Variants in AFP observed in about 807,000 individuals in gnomAD.
AFP encodes the protein alpha-fetoprotein.
A neutral mutation model predicts 78.9 loss-of-function variants in AFP; 64 were observed. The ratio of observed to expected loss-of-function variants is 0.81; its 90% CI spans 0.66 to 1.00. The LOEUF is 1.00. Ranked by LOEUF, AFP falls within the 50% of genes least tolerant of loss-of-function variation. AFP has a pLI of 0.00. For synonymous variants in AFP, 254 were observed against 243.8 expected (o/e 1.04, Z -0.39); for missense variants, 689 against 703.8 (o/e 0.98, Z 0.24).
At chr4:73,441,437 G>A (rs1719660909) in intron 4 of AFP, among the ~76,000 whole-genome samples, 1 of 151,506 alleles carries the variant, frequency 6.6e-6, no homozygotes, top group East Asian at 1.9e-4. Flanking sequence ...GCGTGATGGT[G>A]GGCGCCTGTA....
intron 2 of AFP, among the ~76,000 whole-genome samples, chr4:73,437,728 G>T (rs1445183815): frequency 6.6e-6 from 1 of 152,018 alleles, no homozygotes; most frequent in African/African-American, 2.4e-5. Flanking sequence ...CCTGCATAAG[G>T]ATTGCTTTGA....
At chr4:73,449,257 A>C in intron 8 of AFP, 78 bp from the exon 9 acceptor site, 1 of 1,303,120 alleles carries the variant, frequency 7.7e-7, no homozygotes, top group Non-Finnish European at 1.1e-6. Context: ...CATATTATAT[A>C]GGAATAACTG....
At chr4:73,438,906 G>A (rs1473407400) in intron 3 of AFP, among the ~76,000 whole-genome samples, 3 of 152,096 alleles carry the variant, frequency 2.0e-5, no homozygotes, top group African/African-American at 2.4e-5. Flanking sequence ...AACTGAGGAA[G>A]CTGAGGCTCA....
At chr4:73,445,180 C>A in intron 7 of AFP, 58 bp downstream of exon 7, 1 of 1,599,012 alleles carries the variant, frequency 6.3e-7, no homozygotes, top group Non-Finnish European at 8.6e-7. Flanking sequence ...TTCTTTTTGT[C>A]TCATTCTAAA....
chr4:73,445,369 G>T (rs536408543), intron 7 of AFP, among the ~76,000 whole-genome samples: 1 of 152,096 alleles, frequency 6.6e-6, no homozygotes, highest in Non-Finnish European at 1.5e-5. Context: ...TAAAAAAACC[G>T]TGGGAACTTC....
At chr4:73,452,679 T>G in intron 12 of AFP, 55 bp downstream of exon 12, 1 of 1,392,762 alleles carries the variant, frequency 7.2e-7, no homozygotes, top group Non-Finnish European at 1.0e-6. Context: ...AAAGAGTAAC[T>G]GAGACTTCTA....
At chr4:73,455,137 T>G in intron 13 of AFP, 99 bp from the exon 14 acceptor site, 1 of 987,214 alleles carries the variant, frequency 1.0e-6, no homozygotes, top group Non-Finnish European at 1.6e-6. Context: ...TTAGTTAATC[T>G]ACAAACCTAT....
intron 4 of AFP, among the ~76,000 whole-genome samples, chr4:73,441,365 G>C (rs1277278639): frequency 6.6e-6 from 1 of 151,704 alleles, no homozygotes; most frequent in Non-Finnish European, 1.5e-5. Context: ...AGGAGATCGA[G>C]ACCATCCTGG....
intron 6 of AFP, among the ~76,000 whole-genome samples, 176 bp downstream of exon 6, chr4:73,443,620 G>T (rs1241744487): frequency 6.6e-6 from 1 of 152,108 alleles, no homozygotes; most frequent in Non-Finnish European, 1.5e-5. Flanking sequence ...GGAAGCTAAC[G>T]GATAAGTCAG....
At position 73,437,875 on chromosome 4, in the gene AFP, A is replaced by G. The variant is rs551897588; in HGVS notation, c.138-299A>G. Among the ~76,000 whole-genome samples, 13 of 152,110 alleles carry G rather than the reference A, an allele frequency of 8.5e-5. No individual in the cohort carries two copies. The East Asian group carries it at 1.5e-3, about 18-fold the overall frequency. ...ACCATAAAGAATATAGATACCCTCAATTATGGGTACATTACAGTAGATGGA... is the reference window on the plus strand; with the variant it reads ...ACCATAAAGAATATAGATACCCTCAGTTATGGGTACATTACAGTAGATGGA... On this transcript the variant is annotated intron_variant, in intron 2 of 14. Coordinates refer to ENST00000395792, the MANE Select transcript of AFP (RefSeq NM_001134.3).
intron 5 of AFP, among the ~76,000 whole-genome samples, 181 bp downstream of exon 5, chr4:73,442,609 A>G (rs1049768058): frequency 1.3e-5 from 2 of 152,190 alleles, no homozygotes; most frequent in East Asian, 1.9e-4. Flanking sequence ...TTTATTATCT[A>G]TTCATTAAGT....
chr4:73,441,332 C>A (rs930244787), intron 4 of AFP, among the ~76,000 whole-genome samples: 4 of 151,658 alleles, frequency 2.6e-5, no homozygotes, highest in African/African-American at 9.7e-5. Context: ...TTTGGGAGGC[C>A]GAGGCGGGCG....
chr4:73,455,368 G>A (rs1162432464), intron 14 of AFP, 78 bp downstream of exon 14: 5 of 1,179,456 alleles, frequency 4.2e-6, no homozygotes, highest in African/African-American at 1.5e-5. Context: ...TAGATCATGA[G>A]GAGTGCCATT....
chr4:73,438,569 T>A (rs2149332924), intron 3 of AFP, among the ~76,000 whole-genome samples: 1 of 152,238 alleles, frequency 6.6e-6, no homozygotes, highest in East Asian at 1.9e-4. Context: ...ATATTAACTT[T>A]TTTGAGCTTC....
intron 13 of AFP, among the ~76,000 whole-genome samples, chr4:73,454,898 A>T (rs1446690830): frequency 6.6e-6 from 1 of 152,174 alleles, no homozygotes; most frequent in Non-Finnish European, 1.5e-5. Context: ...ATCTGAGAAG[A>T]CATTTATTTA....
chr4:73,440,909 A>G (rs1297957072), intron 4 of AFP, 96 bp downstream of exon 4: 1 of 1,141,460 alleles, frequency 8.8e-7, no homozygotes, highest in African/African-American at 1.6e-5. Flanking sequence ...TACTCCCAGT[A>G]AGAGGTATAA....
At chr4:73,437,239 T>A (rs1719534305) in intron 2 of AFP, 28 bp downstream of exon 2, 5 of 1,549,456 alleles carry the variant, frequency 3.2e-6, no homozygotes, top group Non-Finnish European at 4.5e-6. Flanking sequence ...AAATGTACTT[T>A]AAATGTGTAA....
Position 73,444,990 on chromosome 4 carries a change from T to C in AFP, c.714-3T>C. ...TAATTTCTAATTTCTTTTTTTTCCCTAGAACTGTTACTAAACTGAGTCAGA... is the reference window on the plus strand; with the variant it reads ...TAATTTCTAATTTCTTTTTTTTCCCCAGAACTGTTACTAAACTGAGTCAGA... On this transcript the variant is annotated splice_region_variant and splice_polypyrimidine_tract_variant and intron_variant, in intron 6 of 14. Coordinates refer to ENST00000395792, the MANE Select transcript of AFP (RefSeq NM_001134.3). 6.2e-7 allele frequency: 1 copy of C among 1,607,244 alleles called. No individual in the cohort carries two copies. Among genetic ancestry groups the C allele is most frequent in the Non-Finnish European group, 8.5e-7 (1 of 1,174,208 alleles).
At chr4:73,441,522 T>A (rs912717358) in intron 4 of AFP, among the ~76,000 whole-genome samples, 1 of 134,070 alleles carries the variant, frequency 7.5e-6, no homozygotes, top group Non-Finnish European at 1.5e-5. Flanking sequence ...GAGCCGAGAT[T>A]GCGCCACTGC....
Sources: allele counts gnomAD v4.1 joint callset (sites outside exome capture counted in the v4.1 genomes callset), GRCh38; gene constraint gnomAD v4.1.1; transcripts MANE v1.5; gene names NCBI Gene and HGNC (gene_info 2026-07-23, HGNC 2026-07-21).